Variants in SLIT2 observed in about 807,000 individuals in gnomAD.
The protein encoded by SLIT2 is slit guidance ligand 2.
SLIT2 carries 41 observed loss-of-function variants against 185.7 expected under a neutral mutation model. The observed-to-expected ratio is 0.22, with a 90% confidence interval of 0.17 to 0.29. The LOEUF (loss-of-function observed/expected upper bound fraction) is 0.29, where lower values mean the gene tolerates loss of function less well. Among genes scored for constraint, SLIT2 ranks in the 10% least tolerant of loss-of-function variants. The pLI is 1.00. For missense variants in SLIT2, 1,571 were observed against 1,909.0 expected, an observed-to-expected ratio of 0.82 and a Z score of 3.30; for synonymous variants, 693 against 680.2, an observed-to-expected ratio of 1.02 and a Z score of -0.29.
At chr4:20,388,913 A>AAT (rs1273484034) in intron 4 of SLIT2, among the ~76,000 whole-genome samples, 5 of 145,442 alleles carry the variant, frequency 3.4e-5, no homozygotes, top group Non-Finnish European at 7.5e-5. Context: ...ATATACATAT[A>AAT]ATATATATAA....
chr4:20,541,525 A>C lies in SLIT2; in HGVS notation c.2049A>C (p.Arg683Ser). Residue 683 changes from arginine (R) to serine (S), a missense_variant, in exon 20 of 37, where the codon AGA (arginine) becomes AGC (serine). This residue lies in a region of SLIT2 where 1,202 missense variants were observed against 1,416.4 expected (regional missense o/e 0.85). Coordinates refer to ENST00000504154, the MANE Select transcript of SLIT2 (RefSeq NM_004787.4). ...TGGGAGAGTGGCTGAGAAAGAAGAG[A>C]ATTGTCACGGGAAATCCTAGATGTC... ...AWLGEWLRKKRIVTGNPRCQK... is the reference protein window; with the variant it reads ...AWLGEWLRKKSIVTGNPRCQK... The C allele has an allele frequency of 6.2e-7, 1 of 1,613,948 alleles. No homozygotes were observed. Among genetic ancestry groups the C allele is most frequent in the Non-Finnish European group, 8.5e-7 (1 of 1,179,896 alleles).
chr4:20,513,897 T>C (rs1000355335), intron 11 of SLIT2, among the ~76,000 whole-genome samples: 5 of 152,178 alleles, frequency 3.3e-5, no homozygotes, highest in African/African-American at 1.2e-4. Flanking sequence ...GTATGCTAGA[T>C]GTTTCAAGAA....
Position 20,273,968 on chromosome 4 carries a change from G to A in SLIT2, c.395+5087G>A, listed in dbSNP as rs566098286. Reference sequence around the variant, plus strand: ...GCAGGTTACAGTTGCTACGGTTACTGTTGTTCAGCCAGACCGACATCATTA... The same window carrying A: ...GCAGGTTACAGTTGCTACGGTTACTATTGTTCAGCCAGACCGACATCATTA... On this transcript the variant is annotated intron_variant, in intron 4 of 36. Coordinates refer to ENST00000504154, the MANE Select transcript of SLIT2 (RefSeq NM_004787.4). 2.0e-5 allele frequency among the ~76,000 whole-genome samples: 3 copies of A among 152,286 alleles called. No individual in the cohort carries two copies. The South Asian group carries it at 6.2e-4, about 32-fold the overall frequency.
intron 4 of SLIT2, among the ~76,000 whole-genome samples, chr4:20,424,164 C>G (rs1291193780): frequency 6.6e-6 from 1 of 152,068 alleles, no homozygotes; most frequent in Admixed American, 6.6e-5. Flanking sequence ...TGCCACCTTC[C>G]AGGAATGTTA....
At chr4:20,331,591 C>G (rs1054561494) in intron 4 of SLIT2, among the ~76,000 whole-genome samples, 8 of 152,076 alleles carry the variant, frequency 5.3e-5, no homozygotes, top group Non-Finnish European at 1.2e-4. Flanking sequence ...TATTTTCTTA[C>G]ATCAATCTTT....
intron 9 of SLIT2, among the ~76,000 whole-genome samples, chr4:20,500,351 A>G (rs1226442691): frequency 3.9e-5 from 6 of 152,224 alleles, no homozygotes; most frequent in Non-Finnish European, 7.4e-5. Context: ...TAATTTTATT[A>G]GAGCACTTCT....
intron 4 of SLIT2, among the ~76,000 whole-genome samples, chr4:20,386,950 T>TG (rs1724978495): frequency 6.6e-6 from 1 of 152,194 alleles, no homozygotes; most frequent in Non-Finnish European, 1.5e-5. Context: ...ACATTTCCTT[T>TG]GGGGGATTCC....
At chr4:20,384,928 A>C (rs1044749746) in intron 4 of SLIT2, among the ~76,000 whole-genome samples, 2 of 152,204 alleles carry the variant, frequency 1.3e-5, no homozygotes, top group African/African-American at 4.8e-5. Context: ...TCATGGGTGC[A>C]AGATAGATGG....
In SLIT2 at chr4:20,491,860, C is replaced by T; in HGVS notation, c.875C>T (p.Thr292Ile). 1 of 1,613,908 alleles carries T rather than the reference C, an allele frequency of 6.2e-7. No homozygotes were observed. The highest frequency in any genetic ancestry group is 8.5e-7 in the Non-Finnish European group (1 of 1,179,842). ...NIVDCRGKGL[T>I]EIPTNLPETI... ...GTAGACTGTCGTGGGAAAGGTCTCA[C>T]TGAGATCCCCACAAATCTTCCAGAG... is the stretch of plus-strand genomic sequence containing the variant. The change falls in exon 9 of 37, where the codon ACT becomes ATT. Residue 292 changes from threonine to isoleucine, a missense_variant. Thr to Ile is a moderately conservative substitution (Grantham distance 89, BLOSUM62 -1). Coordinates refer to ENST00000504154, the MANE Select transcript of SLIT2 (RefSeq NM_004787.4).
At chr4:20,471,004 A>T (rs1477366293) in intron 5 of SLIT2, among the ~76,000 whole-genome samples, 1 of 152,198 alleles carries the variant, frequency 6.6e-6, no homozygotes, top group African/African-American at 2.4e-5. Flanking sequence ...TACAGAAGAA[A>T]AGGGGCTTCA....
chr4:20,264,654 T>G (rs1190241927), intron 3 of SLIT2, among the ~76,000 whole-genome samples: 1 of 151,866 alleles, frequency 6.6e-6, no homozygotes, highest in Non-Finnish European at 1.5e-5. Flanking sequence ...AAATTGAGGT[T>G]GTTAAGAATC....
intron 4 of SLIT2, among the ~76,000 whole-genome samples, chr4:20,314,072 G>A (rs1217435394): frequency 6.6e-6 from 1 of 152,144 alleles, no homozygotes; most frequent in Non-Finnish European, 1.5e-5. Context: ...TAGGTAATAA[G>A]CATTTTTCTG....
chr4:20,508,421 A>G (rs947189081), intron 9 of SLIT2, among the ~76,000 whole-genome samples: 1 of 152,068 alleles, frequency 6.6e-6, no homozygotes, highest in Non-Finnish European at 1.5e-5. Flanking sequence ...CAATAATAAG[A>G]AAGAATTAAG....
rs1234335920 is a variant in SLIT2 at position 20,617,639 on chromosome 4, G to A, written c.4337G>A (p.Ser1446Asn). ...CECSSGYTGD[S>N]CDREISCRGE... ...TGCAGCAGTGGATACACGGGGGACA[G>A]CTGTGATCGAGGTAAGCCAGCCCCA... Residue 1446 changes from serine (S) to asparagine (N), a missense_variant, in exon 36 of 37, where the codon AGC becomes AAC. Around this residue, in one of 3 missense-constraint regions of SLIT2, gnomAD observed 223 missense variants for 245.2 expected, o/e 0.91. Coordinates refer to ENST00000504154, the MANE Select transcript of SLIT2 (RefSeq NM_004787.4). The A allele has an allele frequency of 4.3e-6, 7 of 1,610,334 alleles. No individual in the cohort carries two copies. The highest frequency in any genetic ancestry group is 5.9e-6 in the Non-Finnish European group (7 of 1,179,270).
rs550734235 is a variant in SLIT2 at position 20,390,288 on chromosome 4, C to T, written c.396-77464C>T. Reference sequence around the variant, plus strand: ...ATAAGTAATATACAAAAAAAATTGCCGTGCATTGAATAATTGACACTATTG... The same window carrying T: ...ATAAGTAATATACAAAAAAAATTGCTGTGCATTGAATAATTGACACTATTG... On this transcript the variant is annotated intron_variant, in intron 4 of 36. Coordinates refer to ENST00000504154, the MANE Select transcript of SLIT2 (RefSeq NM_004787.4). Among the ~76,000 whole-genome samples the T allele has an allele frequency of 5.9e-4, 90 of 152,108 alleles. No individual in the cohort carries two copies. In the South Asian group the frequency reaches 0.015, roughly 25 times the overall value.
chr4:20,443,582 TAAAA>T (rs71653885), intron 4 of SLIT2, among the ~76,000 whole-genome samples: 1 of 63,060 alleles, frequency 1.6e-5, no homozygotes, highest in African/African-American at 6.2e-5. Context: ...GGAGAAAATC[TAAAA>T]AAAAAAAAAA....
At position 20,286,373 on chromosome 4, in the gene SLIT2, C is replaced by T. The variant is rs529646973; in HGVS notation, c.395+17492C>T. ...CCTTAGCTCCACTTTCAACTTCTGT[C>T]AGTTCTACCTCCACAGTTGGTTCAT... On this transcript the variant is annotated intron_variant, in intron 4 of 36. Transcript: ENST00000504154. Among the ~76,000 whole-genome samples, 18 of 152,282 alleles carry T rather than the reference C, an allele frequency of 1.2e-4. No homozygotes were observed. In the East Asian group the frequency reaches 3.5e-3, roughly 29 times the overall value.
At chr4:20,604,403 G>A (rs928470276) in intron 33 of SLIT2, among the ~76,000 whole-genome samples, 5 of 152,140 alleles carry the variant, frequency 3.3e-5, no homozygotes, top group Non-Finnish European at 7.3e-5. Context: ...AGGCTGGAGT[G>A]CAGTGGCGCG....
chr4:20,317,972 T>C (rs974157212), intron 4 of SLIT2, among the ~76,000 whole-genome samples: 4 of 152,138 alleles, frequency 2.6e-5, no homozygotes, highest in Non-Finnish European at 4.4e-5. Flanking sequence ...AAAATGCTGA[T>C]ATGTTTTAAT....
Sources: gnomAD v4.1 joint callset for allele counts (sites outside exome capture counted in the v4.1 genomes callset) on GRCh38, gnomAD v4.1.1 for gene constraint, gnomAD v4.1.1 regional missense constraint, MANE v1.5 for transcripts, NCBI Gene and HGNC (gene_info 2026-07-23, HGNC 2026-07-21) for gene names.